The following SGSM2 variants were observed in gnomAD, a reference collection of about 807,000 sequenced individuals.
SGSM2 encodes the protein small G protein signaling modulator 2.
Under a neutral mutation model 126.6 loss-of-function variants are expected in SGSM2, and 89 were observed. That is an observed-to-expected ratio of 0.70 (90% CI 0.59 to 0.84). The LOEUF (loss-of-function observed/expected upper bound fraction) is 0.84, where lower values mean the gene tolerates loss of function less well. SGSM2 is among the 40% of genes least tolerant of loss of function. The pLI, the probability that SGSM2 is intolerant of heterozygous loss-of-function variation, is 0.00. For missense variants in SGSM2, 1,404 were observed against 1,416.6 expected, an observed-to-expected ratio of 0.99 and a Z score of 0.14; for synonymous variants, 614 against 574.3, an observed-to-expected ratio of 1.07 and a Z score of -0.99.
In SGSM2 at chr17:2,373,335, A is replaced by C; in HGVS notation, c.1922A>C (p.Asp641Ala). The C allele has an allele frequency of 6.2e-7, 1 of 1,611,950 alleles. No individual in the cohort carries two copies. The highest frequency in any genetic ancestry group is 8.5e-7 in the Non-Finnish European group (1 of 1,179,628). The part of the protein sequence containing the change: ...GMSKKEMEQV[D>A]AVVAARYQQV... ...CGTGGTGTGGTCTGAGTACAGGTGG[A>C]CGCAGTGGTGGCAGCAAGGTACCAG... Residue 641 changes from aspartate to alanine, a missense_variant, in exon 17 of 24, where the codon GAC becomes GCC. Transcript: ENST00000268989.
At chr17:2,378,107 TGAA>T (rs1485061653) in intron 22 of SGSM2, among the ~76,000 whole-genome samples, 154 bp downstream of exon 22, 2 of 152,128 alleles carry the variant, frequency 1.3e-5, no homozygotes, top group African/African-American at 4.8e-5. Context: ...CCCAGACTCA[TGAA>T]CTGTGGCTGC....
intron 2 of SGSM2, among the ~76,000 whole-genome samples, chr17:2,359,032 C>T (rs929680477): frequency 1.3e-5 from 2 of 152,030 alleles, no homozygotes; most frequent in South Asian, 4.1e-4. Context: ...TGCCCCCTAC[C>T]ACGCCCAGCT....
intron 22 of SGSM2, among the ~76,000 whole-genome samples, chr17:2,378,544 G>A (rs912923104): frequency 2.0e-5 from 3 of 150,948 alleles, no homozygotes; most frequent in Admixed American, 1.3e-4. Context: ...AAAAAAAAAA[G>A]AAAAGAAAAG....
At chr17:2,371,765 G>C in intron 13 of SGSM2, 1 of 389,554 alleles carries the variant, frequency 2.6e-6, no homozygotes, top group Non-Finnish European at 4.7e-6. Flanking sequence ...TGTGCACACA[G>C]ACCCTGCTGA....
chr17:2,363,531 G>A lies in SGSM2; in HGVS notation c.739G>A (p.Val247Met). Residue 247 changes from valine (V) to methionine (M), a missense_variant, in exon 7 of 24, where the codon GTG (valine) becomes ATG (methionine). Transcript: ENST00000268989. This position sits in a 1 kb window ranked among gnomAD's most constrained non-coding sequence, Gnocchi z 4.2. ...GCTGGCTGCCTGTGCCCGCGAGTGT[G>A]TGGAGTCCCTGCACCAGAACTCACG... ...DRLAACAREC[V>M]ESLHQNSRTR... 6.2e-7 allele frequency: 1 copy of A among 1,613,536 alleles called. No homozygotes were observed. Among genetic ancestry groups the A allele is most frequent in the Non-Finnish European group, 8.5e-7 (1 of 1,179,994 alleles).
chr17:2,378,376 G>A (rs913315201), intron 22 of SGSM2, among the ~76,000 whole-genome samples: 1 of 152,150 alleles, frequency 6.6e-6, no homozygotes, highest in African/African-American at 2.4e-5. Context: ...AGGGGTTTGA[G>A]GCCAGCCTGG....
chr17:2,371,156 T>C (rs1444924051), intron 12 of SGSM2, 106 bp from the exon 13 acceptor site: 2 of 1,287,082 alleles, frequency 1.6e-6, no homozygotes, highest in Non-Finnish European at 2.1e-6. Flanking sequence ...TTTCCACCCA[T>C]GGGTGACTTG....
chr17:2,376,290 G>A (rs1257877007), intron 19 of SGSM2, 29 bp downstream of exon 19: 4 of 1,598,006 alleles, frequency 2.5e-6, no homozygotes, highest in African/African-American at 1.4e-5. Flanking sequence ...CTCAGGGTGG[G>A]AGGCGGGACC....
chr17:2,349,091 A>G (rs533806427), intron 2 of SGSM2, among the ~76,000 whole-genome samples: 3 of 151,170 alleles, frequency 2.0e-5, no homozygotes, highest in South Asian at 4.3e-4. Context: ...GAAAGGGAGC[A>G]TAGGCCGGGC....
Position 2,373,441 on chromosome 17 carries a change from G to A in SGSM2, c.2028G>A (p.Lys676=). ...AGGCCCACCCAGCCACACGCACCAA[G>A]TTCTCCTCAGGCAGCAGCATCGACA... ...EREAHPATRT[K]FSSGSSIDSH... is the part of the protein sequence containing the mutation. Residue 676 remains lysine, a synonymous_variant, in exon 17 of 24, where the codon AAG becomes AAA. Coordinates refer to ENST00000268989, the MANE Select transcript of SGSM2 (RefSeq NM_014853.3). The A allele has an allele frequency of 6.2e-7, 1 of 1,610,954 alleles. No individual in the cohort carries two copies.
chr17:2,355,074 G>A (rs1597336854), intron 2 of SGSM2, among the ~76,000 whole-genome samples: 1 of 56,706 alleles, frequency 1.8e-5, no homozygotes, highest in Non-Finnish European at 3.5e-5. Flanking sequence ...TGGTGGAATC[G>A]GGGTGTAAGG....
intron 2 of SGSM2, among the ~76,000 whole-genome samples, chr17:2,360,369 TGACA>T (rs2065260043): frequency 2.0e-5 from 3 of 152,086 alleles, no homozygotes; most frequent in Admixed American, 1.3e-4. Context: ...AAAAAAACCT[TGACA>T]GACCTCAATT....
chr17:2,371,222 G>C, intron 12 of SGSM2, 40 bp from the exon 13 acceptor site: 1 of 1,588,354 alleles, frequency 6.3e-7, no homozygotes, highest in Non-Finnish European at 8.5e-7. Context: ...GGGAGAGAAG[G>C]TGTCTCAGGC....
chr17:2,348,952 C>T (rs1354919912), intron 2 of SGSM2, among the ~76,000 whole-genome samples: 3 of 151,790 alleles, frequency 2.0e-5, no homozygotes, highest in African/African-American at 4.8e-5. Flanking sequence ...TTTGTAGAGA[C>T]GGGGTTTCGC....
intron 2 of SGSM2, among the ~76,000 whole-genome samples, chr17:2,361,058 A>G (rs2065288172): frequency 6.6e-6 from 1 of 152,192 alleles, no homozygotes; most frequent in Non-Finnish European, 1.5e-5. Flanking sequence ...TGTCTGTGGA[A>G]AGTCCAGACA....
rs977845805 is a variant in SGSM2, at chr17:2,337,824, C to G, written c.57+79C>G. The G allele has an allele frequency of 1.2e-5, 14 of 1,154,488 alleles. No homozygotes were observed. Among genetic ancestry groups the G allele is most frequent in the Admixed American group, 3.6e-5 (1 of 28,080 alleles). The allele number at this position is 1,154,488 out of a possible 1,614,324, so 71.5% of individuals were successfully genotyped here. Reference sequence around the variant, plus strand: ...GGGGGCAGAAAGGTCCGCGCCCACCCCCCGGCGCGGGCACCCGGGCCGAAC... The same window carrying G: ...GGGGGCAGAAAGGTCCGCGCCCACCGCCCGGCGCGGGCACCCGGGCCGAAC... On this transcript the variant is annotated intron_variant, in intron 1 of 23. Coordinates refer to ENST00000268989, the MANE Select transcript of SGSM2 (RefSeq NM_014853.3). The surrounding 1 kb of genome is among the most constrained non-coding windows in gnomAD (Gnocchi z 5.1).
At chr17:2,343,806 G>T (rs1001821010) in intron 2 of SGSM2, among the ~76,000 whole-genome samples, 186 bp downstream of exon 2, 2 of 152,110 alleles carry the variant, frequency 1.3e-5, no homozygotes, top group African/African-American at 4.8e-5. Flanking sequence ...GTTCTTCAGG[G>T]GTCAAGAATC....
chr17:2,341,116 T>C (rs971008369), intron 1 of SGSM2, among the ~76,000 whole-genome samples: 1 of 151,670 alleles, frequency 6.6e-6, no homozygotes, highest in Non-Finnish European at 1.5e-5. Flanking sequence ...ATCTAGGAAG[T>C]TTTTTTTGTT....
At chr17:2,342,749 G>A (rs866031948) in intron 1 of SGSM2, among the ~76,000 whole-genome samples, 1 of 152,186 alleles carries the variant, frequency 6.6e-6, no homozygotes, top group African/African-American at 2.4e-5. Flanking sequence ...AGGCCGGGCG[G>A]GTGGATCACC....
Sources: gnomAD v4.1 joint callset for allele counts (sites outside exome capture counted in the v4.1 genomes callset) on GRCh38, gnomAD v4.1.1 for gene constraint, Gnocchi (gnomAD v3.1) non-coding constraint, MANE v1.5 for transcripts, NCBI Gene and HGNC (gene_info 2026-07-23, HGNC 2026-07-21) for gene names.